The following GRIN2A variants were observed in gnomAD, a reference collection of about 807,000 sequenced individuals.
The protein encoded by GRIN2A is glutamate receptor ionotropic, NMDA 2A.
Under a neutral mutation model 113.4 loss-of-function variants are expected in GRIN2A, and 22 were observed. That is an observed-to-expected ratio of 0.19 (90% CI 0.14 to 0.28). The LOEUF (loss-of-function observed/expected upper bound fraction) is 0.28, where lower values mean the gene tolerates loss of function less well. Ranked by LOEUF, GRIN2A falls within the 10% of genes least tolerant of loss-of-function variation. The pLI is 1.00. For synonymous variants in GRIN2A, 827 were observed against 738.4 expected, an observed-to-expected ratio of 1.12 and a Z score of -1.94; for missense variants, 1,502 against 1,887.0, an observed-to-expected ratio of 0.80 and a Z score of 3.78.
chr16:10,006,993 A>G (rs1027018193), intron 2 of GRIN2A, among the ~76,000 whole-genome samples: 7 of 152,170 alleles, frequency 4.6e-5, no homozygotes, highest in Non-Finnish European at 1.0e-4. Context: ...ATAGTACTCC[A>G]TTGTGTATAT....
At chr16:10,041,387 A>T (rs909122988) in intron 2 of GRIN2A, among the ~76,000 whole-genome samples, 1 of 152,198 alleles carries the variant, frequency 6.6e-6, no homozygotes, top group Non-Finnish European at 1.5e-5. Flanking sequence ...ATAAAATGAC[A>T]AATTCTTTTG....
chr16:9,871,459 C>G (rs552645970), intron 4 of GRIN2A, among the ~76,000 whole-genome samples: 32 of 151,728 alleles, frequency 2.1e-4, no homozygotes, highest in African/African-American at 7.5e-4. Context: ...TAAAACAACC[C>G]TAAAAGTGCC....
At chr16:9,872,701 T>C (rs2043289757) in intron 4 of GRIN2A, among the ~76,000 whole-genome samples, 2 of 152,024 alleles carry the variant, frequency 1.3e-5, no homozygotes, top group Non-Finnish European at 2.9e-5. Context: ...GAGGCCATGA[T>C]CATAAGTGAA....
chr16:10,036,710 T>C (rs1338278350), intron 2 of GRIN2A, among the ~76,000 whole-genome samples: 1 of 151,798 alleles, frequency 6.6e-6, no homozygotes, highest in Non-Finnish European at 1.5e-5. Context: ...CCTCCCAAAA[T>C]GCTGGGACTA....
At chr16:9,914,838 A>C (rs1367229295) in intron 3 of GRIN2A, among the ~76,000 whole-genome samples, 3 of 145,838 alleles carry the variant, frequency 2.1e-5, no homozygotes, top group Non-Finnish European at 4.5e-5. Flanking sequence ...AAGAGCCAAC[A>C]GCAACATTCC....
At chr16:10,105,851 C>G (rs1373014870) in intron 2 of GRIN2A, among the ~76,000 whole-genome samples, 1 of 152,178 alleles carries the variant, frequency 6.6e-6, no homozygotes, top group Non-Finnish European at 1.5e-5. Flanking sequence ...GGGTTGCAGA[C>G]AGCTAAGATC....
chr16:10,169,555 T>C (rs942901591), intron 2 of GRIN2A, among the ~76,000 whole-genome samples: 1 of 152,124 alleles, frequency 6.6e-6, no homozygotes, highest in African/African-American at 2.4e-5. Context: ...TTTTGAATGC[T>C]AGGAGGTGAA....
chr16:9,777,413 G>A (rs1901671270), intron 11 of GRIN2A, among the ~76,000 whole-genome samples: 1 of 152,166 alleles, frequency 6.6e-6, no homozygotes, highest in South Asian at 2.1e-4. Context: ...TTTTGATGGT[G>A]GTGGTGATAG....
chr16:10,111,332 C>T (rs750097606), intron 2 of GRIN2A: 135 of 389,394 alleles, frequency 3.5e-4, no homozygotes, highest in Non-Finnish European at 3.6e-4. Context: ...GCGGCAGCAG[C>T]GGCAGGCGGC....
Position 9,859,418 on chromosome 16 carries a change from C to T in GRIN2A, c.1123-9457G>A, listed in dbSNP as rs999061601. ...TACTATTATAAGAACTCAAGCAATA[C>T]CATCAGTACACCTACACATATATGT... On this transcript the variant is annotated intron_variant, in intron 4 of 12. Transcript: ENST00000330684. Among the ~76,000 whole-genome samples, 4 of 152,040 alleles carry T rather than the reference C, an allele frequency of 2.6e-5. No individual in the cohort carries two copies. The East Asian group carries it at 7.7e-4, about 29-fold the overall frequency.
In GRIN2A at chr16:10,180,644, C is replaced by T. The variant is rs2050250002; in HGVS notation, c.-18-215G>A. The T allele has an allele frequency of 2.6e-6, 2 of 766,860 alleles. No individual in the cohort carries two copies. The highest frequency in any genetic ancestry group is 4.1e-6 in the Non-Finnish European group (2 of 489,020). The allele number at this position is 766,860 out of a possible 1,614,324, so 47.5% of individuals were successfully genotyped here. A position where few individuals can be genotyped will look rare whatever the true frequency, so the allele number is the denominator to read the frequency against. ...ACAACTCCAATTCGAGCTAATTCTCCATCCCCCAGCCCCTTCTCGCATCCA... is the reference window on the plus strand; with the variant it reads ...ACAACTCCAATTCGAGCTAATTCTCTATCCCCCAGCCCCTTCTCGCATCCA... On this transcript the variant is annotated intron_variant, in intron 1 of 12. Transcript: ENST00000330684. This position sits in a 1 kb window ranked among gnomAD's most constrained non-coding sequence, Gnocchi z 7.0.
intron 2 of GRIN2A, among the ~76,000 whole-genome samples, chr16:9,964,397 A>G (rs2045509305): frequency 6.6e-6 from 1 of 152,180 alleles, no homozygotes; most frequent in Non-Finnish European, 1.5e-5. Flanking sequence ...GTGACAATTT[A>G]ATGGGATCAG....
intron 2 of GRIN2A, among the ~76,000 whole-genome samples, chr16:9,973,170 C>T (rs2045707885): frequency 6.6e-6 from 1 of 152,124 alleles, no homozygotes. Context: ...TCCCCAGGAG[C>T]AATTTGGGGA....
chr16:9,764,865 G>A lies in GRIN2A; in HGVS notation c.2679C>T (p.Asn893=), dbSNP rs529474316. 6.2e-7 allele frequency: 1 copy of A among 1,614,154 alleles called. No individual in the cohort carries two copies. The highest frequency in any genetic ancestry group is 1.6e-4 in the Middle Eastern group (1 of 6,062). Residue 893 remains asparagine (N), a synonymous_variant, in exon 13 of 13, where the codon AAC becomes AAT. Coordinates refer to ENST00000330684, the MANE Select transcript of GRIN2A (RefSeq NM_001134407.3). ...TGGCTGACCGGAGGAGTTTTAACAT[G>A]TTGCTCTGGGATCCCGTCAGATTGA... ...PDFNLTGSQS[N]MLKLLRSAKN...
chr16:10,066,287 C>T (rs919737317), intron 2 of GRIN2A, among the ~76,000 whole-genome samples: 8 of 152,270 alleles, frequency 5.3e-5, no homozygotes, highest in South Asian at 2.1e-4. Context: ...CACTAGCTCA[C>T]GAAGTGGCCG....
At chr16:10,147,254 C>G (rs1207487475) in intron 2 of GRIN2A, among the ~76,000 whole-genome samples, 1 of 151,776 alleles carries the variant, frequency 6.6e-6, no homozygotes, top group Non-Finnish European at 1.5e-5. Flanking sequence ...ATTGTCTGGC[C>G]CATAACGTCA....
chr16:10,154,351 T>A (rs2142303786), intron 2 of GRIN2A, among the ~76,000 whole-genome samples: 1 of 152,354 alleles, frequency 6.6e-6, no homozygotes, highest in Middle Eastern at 3.4e-3. Flanking sequence ...TCCTAGCTGA[T>A]CCAGCTTTCC....
chr16:9,859,567 A>G (rs1391458591), intron 4 of GRIN2A, among the ~76,000 whole-genome samples: 2 of 151,490 alleles, frequency 1.3e-5, no homozygotes, highest in East Asian at 3.9e-4. Flanking sequence ...GTACAACTAC[A>G]AATACACACA....
chr16:9,793,414 C>T lies in GRIN2A; in HGVS notation c.2356+4863G>A, dbSNP rs139753083. Among the ~76,000 whole-genome samples the T allele has an allele frequency of 3.7e-3, 562 of 152,216 alleles. 2 individuals carry two copies. Among genetic ancestry groups the T allele is most frequent in the African/African-American group, 0.013 (537 of 41,532 alleles). Reference sequence around the variant, plus strand: ...TCATTTTTTTGAAAATCACAAAATGCATGAGATAGATGGGACTTATGGGAT... The same window carrying T: ...TCATTTTTTTGAAAATCACAAAATGTATGAGATAGATGGGACTTATGGGAT... On this transcript the variant is annotated intron_variant, in intron 11 of 12. Transcript: ENST00000330684.
Sources: gnomAD v4.1 joint callset for allele counts (sites outside exome capture counted in the v4.1 genomes callset) on GRCh38, gnomAD v4.1.1 for gene constraint, Gnocchi (gnomAD v3.1) non-coding constraint, MANE v1.5 for transcripts, NCBI Gene and HGNC (gene_info 2026-07-23, HGNC 2026-07-21) for gene names.